The following GPR83 variants were observed in gnomAD, a reference collection of about 807,000 sequenced individuals.
The protein encoded by GPR83 is G-protein coupled receptor 72.
A neutral mutation model predicts 28.0 loss-of-function variants in GPR83; 23 were observed. The observed-to-expected ratio is 0.82, with a 90% CI of 0.59 to 1.16. GPR83 has a LOEUF of 1.16. Ranked by LOEUF, GPR83 falls within the 50% of genes most tolerant of loss-of-function variation. The pLI is 0.00. For missense variants in GPR83, 610 were observed against 536.6 expected (o/e 1.14, Z -1.35); for synonymous variants, 234 against 215.4 (o/e 1.09, Z -0.76).
In GPR83 at chr11:94,378,295, A is replaced by G. The variant is rs1944642013; in HGVS notation, c.*1854T>C. 6.6e-6 allele frequency: 1 copy of G among 152,238 alleles called. No homozygotes were observed. Among genetic ancestry groups the G allele is most frequent in the Non-Finnish European group, 1.5e-5 (1 of 68,042 alleles). 9.4% of individuals were successfully genotyped at this position (152,238 alleles called of 1,614,324 possible). A position where few individuals can be genotyped will look rare whatever the true frequency, so the allele number is the denominator to read the frequency against. On this transcript the variant is annotated 3_prime_UTR_variant, in exon 4 of 4. Transcript: ENST00000243673. ...GCAAGTTCAGTTTCAGTTAACAGCC[A>G]AGAGGTCTAAGTGACAAACTCTTTC...
intron 3 of GPR83, among the ~76,000 whole-genome samples, chr11:94,390,669 T>A (rs1944808832): frequency 6.6e-6 from 1 of 152,114 alleles, no homozygotes; most frequent in Non-Finnish European, 1.5e-5. Flanking sequence ...ACCATTCCTA[T>A]ACACCAATAA....
chr11:94,380,108 G>A lies in GPR83; in HGVS notation c.*41C>T. On this transcript the variant is annotated 3_prime_UTR_variant, in exon 4 of 4. Transcript: ENST00000243673. The stretch of plus-strand genomic sequence containing the variant: ...GAATAGGCTCTCTTTCCCTGCCTCA[G>A]GTGGAGACAGACCCCTCCCACTCCC... The A allele has an allele frequency of 1.4e-6, 2 of 1,465,374 alleles. No homozygotes were observed. Among genetic ancestry groups the A allele is most frequent in the Non-Finnish European group, 1.8e-6 (2 of 1,095,594 alleles). The allele number at this position is 1,465,374 out of a possible 1,614,324, so 90.8% of individuals were successfully genotyped here.
intron 2 of GPR83, among the ~76,000 whole-genome samples, chr11:94,396,151 C>T (rs1350462299): frequency 1.3e-5 from 2 of 152,094 alleles, no homozygotes; most frequent in East Asian, 3.9e-4. Context: ...ACCCAGGAGG[C>T]GGAGGTTGCA....
At chr11:94,384,721 C>A (rs757706332) in intron 3 of GPR83, among the ~76,000 whole-genome samples, 6 of 152,182 alleles carry the variant, frequency 3.9e-5, no homozygotes, top group African/African-American at 7.2e-5. Flanking sequence ...TTGGGTGGAG[C>A]CCACTGCAGC....
chr11:94,391,378 A>G (rs1165740867), intron 3 of GPR83, among the ~76,000 whole-genome samples: 7 of 152,120 alleles, frequency 4.6e-5, no homozygotes, highest in Admixed American at 3.3e-4. Flanking sequence ...TCCTAGAAGA[A>G]AGCCTGGATA....
intron 2 of GPR83, 82 bp from the exon 3 acceptor site, chr11:94,393,700 C>G: frequency 7.6e-7 from 1 of 1,307,796 alleles, no homozygotes. Context: ...GGTGCTCACT[C>G]CTGTAATCCC....
chr11:94,389,883 C>A (rs1387826804), intron 3 of GPR83, among the ~76,000 whole-genome samples: 6 of 152,120 alleles, frequency 3.9e-5, no homozygotes, highest in African/African-American at 1.2e-4. Flanking sequence ...ATGATTATTG[C>A]GGCACTATTC....
At chr11:94,381,787 C>A (rs980344653) in intron 3 of GPR83, among the ~76,000 whole-genome samples, 3 of 152,052 alleles carry the variant, frequency 2.0e-5, no homozygotes, top group African/African-American at 7.2e-5. Flanking sequence ...CTAGGAAAGA[C>A]CTGTAATAAA....
chr11:94,386,733 C>T (rs1027411119), intron 3 of GPR83, among the ~76,000 whole-genome samples: 1 of 152,188 alleles, frequency 6.6e-6, no homozygotes, highest in African/African-American at 2.4e-5. Flanking sequence ...TAATGGGAGA[C>T]TTTAACACCA....
At chr11:94,395,487 C>T (rs1415206893) in intron 2 of GPR83, among the ~76,000 whole-genome samples, 1 of 152,178 alleles carries the variant, frequency 6.6e-6, no homozygotes. Flanking sequence ...AGACCTCAGT[C>T]CTAATCCTAG....
Position 94,380,184 on chromosome 11 carries a change from G to T in GPR83, c.1237C>A (p.Leu413Met), listed in dbSNP as rs1235855400. 9 of 1,518,118 alleles carry T rather than the reference G, an allele frequency of 5.9e-6. No individual in the cohort carries two copies. The highest frequency in any genetic ancestry group is 4.0e-5 in the South Asian group (3 of 74,854). The allele number at this position is 1,518,118 out of a possible 1,614,324, so 94.0% of individuals were successfully genotyped here. ...TSQLQSGKTD[L>M]SSVEPIVTMS Reference sequence around the variant, plus strand: ...GTCACAATGGGTTCCACAGATGACAGGTCTGTCTTCCCAGACTGGAGTTGG... The same window carrying T: ...GTCACAATGGGTTCCACAGATGACATGTCTGTCTTCCCAGACTGGAGTTGG... The change falls in exon 4 of 4, where the codon CTG (leucine) becomes ATG (methionine). Residue 413 changes from leucine to methionine, a missense_variant. Transcript: ENST00000243673.
intron 2 of GPR83, among the ~76,000 whole-genome samples, chr11:94,395,036 A>T (rs1944853102): frequency 6.6e-6 from 1 of 152,220 alleles, no homozygotes; most frequent in Non-Finnish European, 1.5e-5. Flanking sequence ...CAAACTTTTC[A>T]CACTTTACAC....
chr11:94,385,911 T>C (rs1376029869), intron 3 of GPR83, among the ~76,000 whole-genome samples: 1 of 152,060 alleles, frequency 6.6e-6, no homozygotes, highest in South Asian at 2.1e-4. Flanking sequence ...TTCACTGAAG[T>C]TGAAACGAAG....
intron 3 of GPR83, among the ~76,000 whole-genome samples, chr11:94,386,567 G>C (rs559231170): frequency 6.6e-6 from 1 of 151,992 alleles, no homozygotes; most frequent in Admixed American, 6.6e-5. Context: ...TGATAAAACA[G>C]ACTTTAAACC....
intron 1 of GPR83, among the ~76,000 whole-genome samples, chr11:94,397,621 T>C (rs751656008): frequency 5.3e-5 from 8 of 152,240 alleles, no homozygotes; most frequent in Non-Finnish European, 8.8e-5. Context: ...GGCTAACCCT[T>C]TTCACATGGT....
At chr11:94,392,542 G>T (rs1944826906) in intron 3 of GPR83, among the ~76,000 whole-genome samples, 1 of 151,842 alleles carries the variant, frequency 6.6e-6, no homozygotes, top group South Asian at 2.1e-4. Flanking sequence ...TCACTCTATG[G>T]GGCCAGGCGT....
chr11:94,395,352 T>C (rs1181970268), intron 2 of GPR83, among the ~76,000 whole-genome samples: 2 of 152,222 alleles, frequency 1.3e-5, no homozygotes, highest in Non-Finnish European at 1.5e-5. Flanking sequence ...CATCTCATGG[T>C]GCTACTCAGA....
At chr11:94,396,369 G>A in intron 2 of GPR83, 30 bp downstream of exon 2, 1 of 1,608,676 alleles carries the variant, frequency 6.2e-7, no homozygotes. Context: ...AGAGAGGGAA[G>A]AGCAGAGCAT....
chr11:94,380,212 G>A lies in GPR83; in HGVS notation c.1209C>T (p.Thr403=), dbSNP rs1309287825. ...RAPLANNLLP[T]SQLQSGKTDL... ...CTGTCTTCCCAGACTGGAGTTGGGA[G>A]GTGGGCAGGAGGTTATTGGCAAGGG... The change falls in exon 4 of 4, where the codon ACC becomes ACT. Residue 403 remains threonine (T), a synonymous_variant. Coordinates refer to ENST00000243673, the MANE Select transcript of GPR83 (RefSeq NM_016540.4). 2 of 1,521,352 alleles carry A rather than the reference G, an allele frequency of 1.3e-6. No individual in the cohort carries two copies. The highest frequency in any genetic ancestry group is 8.8e-7 in the Non-Finnish European group (1 of 1,136,502). 94.2% of individuals were successfully genotyped at this position (1,521,352 alleles called of 1,614,324 possible). A position where few individuals can be genotyped will look rare whatever the true frequency, so the allele number is the denominator to read the frequency against.
Sources: allele counts gnomAD v4.1 joint callset (sites outside exome capture counted in the v4.1 genomes callset), GRCh38; gene constraint gnomAD v4.1.1; transcripts MANE v1.5; gene names NCBI Gene and HGNC (gene_info 2026-07-23, HGNC 2026-07-21).